The following PRORP variants were observed in gnomAD, a reference collection of about 807,000 sequenced individuals.
PRORP encodes protein only RNase P catalytic subunit, also known as mitochondrial ribonuclease P catalytic subunit.
A neutral mutation model predicts 59.4 loss-of-function variants in PRORP; 51 were observed. The observed-to-expected ratio is 0.86, with a 90% CI of 0.69 to 1.08. The LOEUF (loss-of-function observed/expected upper bound fraction) is 1.08. Ranked by LOEUF, PRORP falls within the 50% of genes least tolerant of loss-of-function variation. The pLI is 0.00. For synonymous variants in PRORP, 231 were observed against 245.6 expected, an observed-to-expected ratio of 0.94 and a Z score of 0.55; for missense variants, 646 against 690.3, an observed-to-expected ratio of 0.94 and a Z score of 0.72.
Position 35,180,809 on chromosome 14 carries a change from T to G in PRORP, c.1275+32T>G, listed in dbSNP as rs779708793. ...ATAAGTTTTACTTTGTTATTCCACA[T>G]CTCTAGAAATATTTATTATACCCAT... On this transcript the variant is annotated intron_variant, in intron 5 of 7. Coordinates refer to ENST00000534898, the MANE Select transcript of PRORP (RefSeq NM_014672.4). 8 of 1,351,676 alleles carry G rather than the reference T, an allele frequency of 5.9e-6. No individual in the cohort carries two copies. The East Asian group carries it at 1.8e-4, about 31-fold the overall frequency. The allele number at this position is 1,351,676 out of a possible 1,614,324, so 83.7% of individuals were successfully genotyped here.
chr14:35,243,997 C>T lies in PRORP; in HGVS notation c.1276-22730C>T, dbSNP rs144222763. On this transcript the variant is annotated intron_variant, in intron 5 of 7. Transcript: ENST00000534898. The stretch of plus-strand genomic sequence containing the variant: ...CTTAAAACAGCTCTTCTACCAAGAA[C>T]GAACTCAGACCATCCATGTTTCTGC... Among the ~76,000 whole-genome samples the T allele has an allele frequency of 4.6e-3, 696 of 152,220 alleles. 6 individuals are homozygous for T. The highest frequency in any genetic ancestry group is 0.016 in the African/African-American group (661 of 41,546).
intron 4 of PRORP, among the ~76,000 whole-genome samples, chr14:35,167,489 A>G (rs1268263983): frequency 6.6e-6 from 1 of 152,142 alleles, no homozygotes; most frequent in Admixed American, 6.5e-5. Context: ...TCTTCTCTTT[A>G]GTTTACAGTA....
chr14:35,240,850 G>A (rs1253025637), intron 5 of PRORP, among the ~76,000 whole-genome samples: 2 of 152,130 alleles, frequency 1.3e-5, no homozygotes, highest in Non-Finnish European at 2.9e-5. Context: ...TTGAAATGTG[G>A]CTGACCAAAT....
chr14:35,205,836 C>CTCAACTTGGGGGT (rs1447935977), intron 5 of PRORP, among the ~76,000 whole-genome samples: 1 of 152,124 alleles, frequency 6.6e-6, no homozygotes, highest in Non-Finnish European at 1.5e-5. Flanking sequence ...CCCTTCAGGT[C>CTCAACTTGGGGGT]TCAACTTGGG....
At chr14:35,152,723 C>T (rs561824344) in intron 4 of PRORP, among the ~76,000 whole-genome samples, 15 of 151,066 alleles carry the variant, frequency 9.9e-5, no homozygotes, top group African/African-American at 2.9e-4. Flanking sequence ...ACGGGTCGGC[C>T]GGGCAGAGAC....
intron 5 of PRORP, chr14:35,235,356 C>T (rs978653353): frequency 2.4e-5 from 17 of 702,880 alleles, no homozygotes; most frequent in Admixed American, 1.8e-4. Flanking sequence ...TCCGAGTTAA[C>T]CTGTGTAAAG....
At chr14:35,122,192 G>T (rs955718132), upstream of PRORP, 2 of 549,904 alleles carry the variant, frequency 3.6e-6, no homozygotes, top group East Asian at 3.0e-5. Flanking sequence ...GATGGAAAAT[G>T]GTTCTCCTTC....
chr14:35,175,191 C>T (rs1197743638), intron 4 of PRORP, among the ~76,000 whole-genome samples: 2 of 151,804 alleles, frequency 1.3e-5, no homozygotes, highest in African/African-American at 2.4e-5. Context: ...TGAACAGTGC[C>T]GCAATAAACA....
At chr14:35,222,690 T>C (rs1271568219) in intron 5 of PRORP, 1 of 152,264 alleles carries the variant, frequency 6.6e-6, no homozygotes, top group African/African-American at 2.4e-5. Flanking sequence ...TCTGATTCTT[T>C]GGTCTCTTCA....
chr14:35,136,941 A>G (rs2047389796), intron 4 of PRORP, among the ~76,000 whole-genome samples: 1 of 145,738 alleles, frequency 6.9e-6, no homozygotes, highest in Non-Finnish European at 1.5e-5. Flanking sequence ...GGCAGAAAGA[A>G]TCTATTCAGT....
chr14:35,166,929 C>G (rs1303251138), intron 4 of PRORP, among the ~76,000 whole-genome samples: 1 of 152,158 alleles, frequency 6.6e-6, no homozygotes, highest in Non-Finnish European at 1.5e-5. Context: ...GCAGTTTCCA[C>G]CTTTTGGATC....
Position 35,123,794 on chromosome 14 carries a change from T to G in PRORP, c.549T>G (p.Tyr183Ter). 6.2e-7 allele frequency: 1 copy of G among 1,614,210 alleles called. No homozygotes were observed. The change falls in exon 2 of 8, where the codon TAT (tyrosine) becomes TAG (stop). Residue 183 changes from tyrosine to a stop codon, truncating the protein, a stop_gained. Transcript: ENST00000534898. LOFTEE classifies it high-confidence loss of function. The part of the protein sequence containing the change: ...VSYDLLVKYL[Y>*]LCVFHMQTSE... ...ACGATTTACTGGTCAAGTATTTGTA[T>G]CTCTGTGTCTTTCATATGCAGACAT...
chr14:35,173,093 C>A (rs1451100513), intron 4 of PRORP, among the ~76,000 whole-genome samples: 1 of 152,084 alleles, frequency 6.6e-6, no homozygotes, highest in Non-Finnish European at 1.5e-5. Context: ...GTCTTGAACT[C>A]CTGACATCAA....
intron 4 of PRORP, among the ~76,000 whole-genome samples, chr14:35,163,559 G>A (rs1199504994): frequency 6.6e-6 from 1 of 152,080 alleles, no homozygotes; most frequent in South Asian, 2.1e-4. Flanking sequence ...CCACTTGTAT[G>A]CCTTCTTTTG....
At chr14:35,205,707 A>G (rs1411600318) in intron 5 of PRORP, among the ~76,000 whole-genome samples, 2 of 152,204 alleles carry the variant, frequency 1.3e-5, no homozygotes, top group Non-Finnish European at 2.9e-5. Flanking sequence ...TTAGATATTT[A>G]TATGTTTTTG....
chr14:35,179,553 G>A (rs951441238), intron 4 of PRORP, among the ~76,000 whole-genome samples: 3 of 151,926 alleles, frequency 2.0e-5, no homozygotes, highest in Non-Finnish European at 2.9e-5. Context: ...TTGTGCATTC[G>A]TCACGTAGTT....
intron 5 of PRORP, among the ~76,000 whole-genome samples, chr14:35,217,571 A>G (rs1681307551): frequency 6.7e-6 from 1 of 150,238 alleles, no homozygotes; most frequent in Admixed American, 6.6e-5. Flanking sequence ...CTTTTTTTCT[A>G]GGAGTTTTAT....
At chr14:35,237,081 T>TC (rs1272531713) in intron 5 of PRORP, among the ~76,000 whole-genome samples, 1 of 138,690 alleles carries the variant, frequency 7.2e-6, no homozygotes, top group Non-Finnish European at 1.6e-5. Flanking sequence ...CTTCCTTCCT[T>TC]CCTTCTCTCT....
intron 5 of PRORP, among the ~76,000 whole-genome samples, chr14:35,230,050 C>CTTTTTTTTTTTTTTTTTT (rs35309046): frequency 2.7e-5 from 3 of 109,138 alleles, no homozygotes; most frequent in African/African-American, 1.0e-4. Context: ...ACTGTAAATT[C>CTTTTTTTTTTTTTTTTTT]TTTTTTTTTT....
Sources: allele counts gnomAD v4.1 joint callset (sites outside exome capture counted in the v4.1 genomes callset), GRCh38; gene constraint gnomAD v4.1.1; transcripts MANE v1.5; gene names NCBI Gene and HGNC (gene_info 2026-07-23, HGNC 2026-07-21).